The following SLC22A11 variants were observed in gnomAD, a reference collection of about 807,000 sequenced individuals.
SLC22A11 encodes organic anion transporter 4.
A neutral mutation model predicts 49.4 loss-of-function variants in SLC22A11; 42 were observed. That is an observed-to-expected ratio of 0.85 (90% CI 0.66 to 1.10). The LOEUF (loss-of-function observed/expected upper bound fraction) is 1.10, where lower values mean the gene tolerates loss of function less well. Ranked by LOEUF, SLC22A11 falls within the 50% of genes least tolerant of loss-of-function variation. SLC22A11 has a pLI of 0.00. For synonymous variants in SLC22A11, 304 were observed against 315.8 expected (o/e 0.96, Z 0.40); for missense variants, 685 against 731.6 (o/e 0.94, Z 0.74).
chr11:64,570,021 C>T (rs1253098110), intron 9 of SLC22A11, among the ~76,000 whole-genome samples, 163 bp downstream of exon 9: 1 of 152,214 alleles, frequency 6.6e-6, no homozygotes, highest in Admixed American at 6.5e-5. Flanking sequence ...TTATTACTAT[C>T]CCCATACTAT....
chr11:64,566,374 C>T (rs2038625452), intron 6 of SLC22A11: 1 of 151,784 alleles, frequency 6.6e-6, no homozygotes, highest in South Asian at 2.1e-4. Context: ...CAAATACTTG[C>T]TACATCTTAG....
chr11:64,556,401 TC>T lies in SLC22A11; in HGVS notation c.393+14del, dbSNP rs748874620. On this transcript the variant is annotated intron_variant, in intron 1 of 9. Coordinates refer to ENST00000301891, the MANE Select transcript of SLC22A11 (RefSeq NM_018484.4). ...CCACCATCGTGGCCAAGGTAGGGCC[TC>T]CCCCAGAGCCACTCGAGTCCCGTCA... 11 of 1,608,430 alleles carry T rather than the reference TC, an allele frequency of 6.8e-6. No homozygotes were observed. Among genetic ancestry groups the T allele is most frequent in the Non-Finnish European group, 8.5e-6 (10 of 1,179,838 alleles).
Position 64,561,985 on chromosome 11 carries a change from T to A in SLC22A11, c.498-19T>A, listed in dbSNP as rs1470847906. ...CAGGGGCCCCTCTCCAGGCCCCGTG[T>A]GCTTCTCTCCTGTGACAGGTTTGGG... is the stretch of plus-strand genomic sequence containing the variant. On this transcript the variant is annotated intron_variant, in intron 2 of 9. Transcript: ENST00000301891. 1 of 1,603,424 alleles carries A rather than the reference T, an allele frequency of 6.2e-7. No individual in the cohort carries two copies. Among genetic ancestry groups the A allele is most frequent in the African/African-American group, 1.3e-5 (1 of 74,784 alleles).
At chr11:64,563,610 TAAAAAAAAAAAAAAA>T (rs869085115) in intron 4 of SLC22A11, among the ~76,000 whole-genome samples, 2 of 43,842 alleles carry the variant, frequency 4.6e-5, no homozygotes, top group Admixed American at 3.4e-4. Flanking sequence ...TTAAATGTGC[TAAAAAAAAAAAAAAA>T]AAAAAAAAAA....
rs773188103 is a variant in SLC22A11, at chr11:64,568,770, GCCA to G, written c.1375_1377del (p.Pro459del). ...TCTACAAGGCTGAACTCTTTCCAAC[GCCA>G]GTGCGGTAAGCTGGGCTGCAGGCCA... On this transcript the variant is annotated inframe_deletion, in exon 8 of 10. Coordinates refer to ENST00000301891, the MANE Select transcript of SLC22A11 (RefSeq NM_018484.4). The G allele has an allele frequency of 6.2e-7, 1 of 1,613,574 alleles. No homozygotes were observed. The highest frequency in any genetic ancestry group is 1.1e-5 in the South Asian group (1 of 91,074).
chr11:64,565,519 G>C lies in SLC22A11; in HGVS notation c.1058+182G>C. On this transcript the variant is annotated intron_variant, in intron 6 of 9. Transcript: ENST00000301891. The surrounding 1 kb of genome is among the most constrained non-coding windows in gnomAD (Gnocchi z 4.1). Reference sequence around the variant, plus strand: ...CAGGAGTCCTGGCAGGCAGCAGAGAGGGACTATGCACAGGTGGGATCTGGA... The same window carrying C: ...CAGGAGTCCTGGCAGGCAGCAGAGACGGACTATGCACAGGTGGGATCTGGA... 1 of 668,446 alleles carries C rather than the reference G, an allele frequency of 1.5e-6. No individual in the cohort carries two copies. The highest frequency in any genetic ancestry group is 2.7e-6 in the Non-Finnish European group (1 of 364,330). The allele number at this position is 668,446 out of a possible 1,614,324, so 41.4% of individuals were successfully genotyped here.
intron 2 of SLC22A11, among the ~76,000 whole-genome samples, chr11:64,560,586 G>A (rs2038529641): frequency 6.6e-6 from 1 of 152,172 alleles, no homozygotes; most frequent in African/African-American, 2.4e-5. Context: ...TCTTCCTTGA[G>A]GAGGCCCTCC....
rs370111545 is a variant in SLC22A11, at chr11:64,564,470, G to A, written c.942+42G>A. 46 of 1,605,762 alleles carry A rather than the reference G, an allele frequency of 2.9e-5. No homozygotes were observed. Among genetic ancestry groups the A allele is most frequent in the Admixed American group, 1.5e-4 (9 of 59,592 alleles). ...TGCGAGACTTGACCTGGGACAGGAC[G>A]TGCACTGAGGGATCATCCGTGTGGC... On this transcript the variant is annotated intron_variant, in intron 5 of 9. Transcript: ENST00000301891. This position sits in a 1 kb window ranked among gnomAD's most constrained non-coding sequence, Gnocchi z 4.2.
chr11:64,558,087 C>A (rs1319562091), intron 1 of SLC22A11, among the ~76,000 whole-genome samples: 1 of 152,100 alleles, frequency 6.6e-6, no homozygotes, highest in Admixed American at 6.6e-5. Flanking sequence ...CATGAACCAC[C>A]ACGCTTGGTC....
rs1408832031 is a variant in SLC22A11 at position 64,562,498 on chromosome 11, C to T, written c.821+63C>T. On this transcript the variant is annotated intron_variant, in intron 4 of 9. Transcript: ENST00000301891. This position sits in a 1 kb window ranked among gnomAD's most constrained non-coding sequence, Gnocchi z 4.4. The stretch of plus-strand genomic sequence containing the variant: ...GGGTGGGAGGGGGACTCTTCACTTT[C>T]ACCTCTCTGGCTGGCAGTAGGTCCA... 3.4e-6 allele frequency: 5 copies of T among 1,470,884 alleles called. No individual in the cohort carries two copies. Among genetic ancestry groups the T allele is most frequent in the African/African-American group, 2.8e-5 (2 of 70,944 alleles). The allele number at this position is 1,470,884 out of a possible 1,614,324, so 91.1% of individuals were successfully genotyped here.
chr11:64,558,521 T>C (rs947542547), intron 1 of SLC22A11, among the ~76,000 whole-genome samples: 2 of 152,066 alleles, frequency 1.3e-5, no homozygotes, highest in Non-Finnish European at 2.9e-5. Flanking sequence ...ACTGTAAAAA[T>C]CCCAGTGAAC....
chr11:64,562,808 G>A lies in SLC22A11; in HGVS notation c.821+373G>A, dbSNP rs1258752117. ...AAACTGGAAGATCCAGGGGCACTGG[G>A]CTGAACTTCGGCCACAGTGGAAGCG... On this transcript the variant is annotated intron_variant, in intron 4 of 9. Coordinates refer to ENST00000301891, the MANE Select transcript of SLC22A11 (RefSeq NM_018484.4). The surrounding 1 kb of genome is among the most constrained non-coding windows in gnomAD (Gnocchi z 4.4). Among the ~76,000 whole-genome samples, 2 of 152,324 alleles carry A rather than the reference G, an allele frequency of 1.3e-5. No homozygotes were observed. The highest frequency in any genetic ancestry group is 2.9e-5 in the Non-Finnish European group (2 of 68,028).
intron 2 of SLC22A11, among the ~76,000 whole-genome samples, chr11:64,560,610 CAG>C (rs1180152441): frequency 6.6e-6 from 1 of 152,238 alleles, no homozygotes; most frequent in Non-Finnish European, 1.5e-5. Flanking sequence ...GCCACGGAGC[CAG>C]AGACTCCTGC....
At chr11:64,557,131 C>T (rs1174744971) in intron 1 of SLC22A11, among the ~76,000 whole-genome samples, 3 of 152,242 alleles carry the variant, frequency 2.0e-5, no homozygotes, top group South Asian at 2.1e-4. Flanking sequence ...CGCCCTGCAC[C>T]GGCAAAGTGG....
At chr11:64,561,056 G>A (rs2135421393) in intron 2 of SLC22A11, among the ~76,000 whole-genome samples, 1 of 152,348 alleles carries the variant, frequency 6.6e-6, no homozygotes, top group Admixed American at 6.5e-5. Context: ...TCAGACAGGT[G>A]CGGCCAAGGT....
intron 8 of SLC22A11, among the ~76,000 whole-genome samples, 154 bp from the exon 9 acceptor site, chr11:64,569,498 G>A (rs1024093917): frequency 2.0e-5 from 3 of 152,142 alleles, no homozygotes; most frequent in African/African-American, 7.2e-5. Flanking sequence ...AAAAATCTGG[G>A]TGGGCTCCGT....
In SLC22A11 at chr11:64,567,763, C is replaced by T; in HGVS notation, c.1223C>T (p.Ser408Phe). 1 of 1,612,462 alleles carries T rather than the reference C, an allele frequency of 6.2e-7. No individual in the cohort carries two copies. The highest frequency in any genetic ancestry group is 1.1e-5 in the South Asian group (1 of 91,048). The change falls in exon 7 of 10, where the codon TCC becomes TTC. Residue 408 changes from serine to phenylalanine, a missense_variant. Transcript: ENST00000301891. ...GGCCGCCGCACCATCCAGGCGGGTT[C>T]CCAGGCCATGGCCGGCCTCGCCATT... ...FLGRRTIQAG[S>F]QAMAGLAILA...
At position 64,571,188 on chromosome 11, in the gene SLC22A11, G is replaced by A. The variant is rs2135428365; in HGVS notation, c.*146G>A. ...CAGCCGTGGCCGAGTGGACAGCGTG[G>A]CCGTCTGCTGTGGCTGAAGGCAGCT... On this transcript the variant is annotated 3_prime_UTR_variant, in exon 10 of 10. Transcript: ENST00000301891. The A allele has an allele frequency of 2.5e-6, 2 of 785,306 alleles. No homozygotes were observed. Among genetic ancestry groups the A allele is most frequent in the East Asian group, 2.5e-5 (1 of 39,478 alleles). 48.6% of individuals were successfully genotyped at this position (785,306 alleles called of 1,614,324 possible).
chr11:64,565,669 G>C lies in SLC22A11; in HGVS notation c.1058+332G>C, dbSNP rs913302240. ...GAGCCAGGGGACCAGCCACGGCCGA[G>C]GAGTACCACTGTGTGTCATCGTTAG... is the stretch of plus-strand genomic sequence containing the variant. On this transcript the variant is annotated intron_variant, in intron 6 of 9. Coordinates refer to ENST00000301891, the MANE Select transcript of SLC22A11 (RefSeq NM_018484.4). The surrounding 1 kb of genome is among the most constrained non-coding windows in gnomAD (Gnocchi z 4.1). The C allele has an allele frequency of 2.3e-6, 1 of 439,558 alleles. No homozygotes were observed. Among genetic ancestry groups the C allele is most frequent in the African/African-American group, 2.0e-5 (1 of 49,914 alleles). 27.2% of individuals were successfully genotyped at this position (439,558 alleles called of 1,614,324 possible). A position where few individuals can be genotyped will look rare whatever the true frequency, so the allele number is the denominator to read the frequency against.
Sources: allele counts gnomAD v4.1 joint callset (sites outside exome capture counted in the v4.1 genomes callset), GRCh38; gene constraint gnomAD v4.1.1; non-coding constraint Gnocchi (gnomAD v3.1); transcripts MANE v1.5; gene names NCBI Gene and HGNC (gene_info 2026-07-23, HGNC 2026-07-21).